The following OCLN variants were observed in gnomAD, a reference collection of about 807,000 sequenced individuals.
OCLN encodes the protein phosphatase 1, regulatory subunit 115.
OCLN carries 21 observed loss-of-function variants against 47.9 expected under a neutral mutation model. The ratio of observed to expected loss-of-function variants is 0.44; its 90% confidence interval spans 0.31 to 0.63. The LOEUF is 0.63. OCLN is among the 30% of genes least tolerant of loss of function. OCLN has a pLI of 0.08. For synonymous variants in OCLN, 117 were observed against 198.4 expected, an observed-to-expected ratio of 0.59 and a Z score of 3.45; for missense variants, 360 against 571.0, an observed-to-expected ratio of 0.63 and a Z score of 3.77.
At chr5:69,518,441 A>T (rs1009925621) in intron 4 of OCLN, among the ~76,000 whole-genome samples, 8 of 152,200 alleles carry the variant, frequency 5.3e-5, no homozygotes, top group Non-Finnish European at 8.8e-5. Context: ...AGCCTATTTA[A>T]AATAAATTAT....
intron 4 of OCLN, among the ~76,000 whole-genome samples, chr5:69,522,789 G>T (rs190768437): frequency 2.7e-5 from 4 of 150,776 alleles, no homozygotes; most frequent in African/African-American, 9.8e-5. Context: ...GTGCAATGGC[G>T]CAATCATAGC....
chr5:69,511,887 C>T (rs549955688), intron 3 of OCLN, among the ~76,000 whole-genome samples: 8 of 151,980 alleles, frequency 5.3e-5, no homozygotes, highest in African/African-American at 9.6e-5. Context: ...TACCTGGACA[C>T]GGTGGCGTGC....
intron 4 of OCLN, among the ~76,000 whole-genome samples, chr5:69,533,088 TACACAC>T (rs527907847): frequency 5.1e-4 from 64 of 124,722 alleles, no homozygotes; most frequent in Non-Finnish European, 7.7e-4. Flanking sequence ...TATATATATA[TACACAC>T]ACACACACAC....
At chr5:69,533,018 T>TGC (rs1769480171) in intron 4 of OCLN, among the ~76,000 whole-genome samples, 2 of 148,918 alleles carry the variant, frequency 1.3e-5, no homozygotes, top group Non-Finnish European at 3.0e-5. Context: ...TGTGTGTGTG[T>TGC]GTGTGTATAC....
At chr5:69,523,371 G>C (rs1488732417) in intron 4 of OCLN, among the ~76,000 whole-genome samples, 3 of 152,050 alleles carry the variant, frequency 2.0e-5, no homozygotes, top group Admixed American at 2.0e-4. Context: ...TTAGAGAATA[G>C]ACAAAATTGA....
At chr5:69,520,354 G>T (rs1285177043) in intron 4 of OCLN, among the ~76,000 whole-genome samples, 1 of 149,678 alleles carries the variant, frequency 6.7e-6, no homozygotes, top group Admixed American at 6.7e-5. Flanking sequence ...AGGCTGGAGC[G>T]CAGTGGCACT....
At chr5:69,550,521 T>C (rs1769838967) in intron 7 of OCLN, among the ~76,000 whole-genome samples, 1 of 150,224 alleles carries the variant, frequency 6.7e-6, no homozygotes. Flanking sequence ...AATTCCAGAA[T>C]GTGAAATTGC....
intron 4 of OCLN, among the ~76,000 whole-genome samples, chr5:69,533,419 G>C (rs1769502997): frequency 1.3e-5 from 2 of 152,254 alleles, no homozygotes; most frequent in Middle Eastern, 3.4e-3. Context: ...TTGTTCATCA[G>C]GAATTCTCAC....
chr5:69,501,821 C>T (rs1768466475), intron 1 of OCLN, among the ~76,000 whole-genome samples: 1 of 152,036 alleles, frequency 6.6e-6, no homozygotes, highest in Admixed American at 6.6e-5. Context: ...TATATATTTC[C>T]ATCTTTGAGG....
At chr5:69,519,106 C>G (rs1180266331) in intron 4 of OCLN, among the ~76,000 whole-genome samples, 1 of 152,100 alleles carries the variant, frequency 6.6e-6, no homozygotes, top group Non-Finnish European at 1.5e-5. Flanking sequence ...CCACTGCACT[C>G]CAGCCTGGGT....
intron 4 of OCLN, among the ~76,000 whole-genome samples, chr5:69,517,452 A>G (rs1455899887): frequency 4.6e-5 from 7 of 151,902 alleles, no homozygotes; most frequent in African/African-American, 1.7e-4. Context: ...CTAGGACTAT[A>G]GGTGCATACC....
chr5:69,549,627 A>AT (rs533577845), intron 7 of OCLN, among the ~76,000 whole-genome samples: 6 of 143,090 alleles, frequency 4.2e-5, no homozygotes, highest in Non-Finnish European at 6.2e-5. Flanking sequence ...AAGTTACTGG[A>AT]TTTTTTTTTC....
Position 69,493,032 on chromosome 5 carries a change from G to T in OCLN, c.-69+132G>T, listed in dbSNP as rs1350540598. On this transcript the variant is annotated intron_variant, in intron 1 of 8. Coordinates refer to ENST00000396442, the MANE Select transcript of OCLN (RefSeq NM_001205254.2). This position sits in a 1 kb window ranked among gnomAD's most constrained non-coding sequence, Gnocchi z 5.3. ...TGGTTTCGGTGGCAGTTTCGTCCCC[G>T]AGCTGGGACTCGTGGGAACCAGAGA... 6.6e-6 allele frequency: 1 copy of T among 152,506 alleles called. No individual in the cohort carries two copies. Among genetic ancestry groups the T allele is most frequent in the Admixed American group, 6.5e-5 (1 of 15,282 alleles). 9.4% of individuals were successfully genotyped at this position (152,506 alleles called of 1,614,324 possible).
At chr5:69,519,374 G>A (rs1769068937) in intron 4 of OCLN, among the ~76,000 whole-genome samples, 3 of 152,094 alleles carry the variant, frequency 2.0e-5, no homozygotes. Flanking sequence ...TATCCCTTTT[G>A]TATAATCTGT....
intron 4 of OCLN, among the ~76,000 whole-genome samples, chr5:69,516,225 C>T (rs995965183): frequency 6.6e-6 from 1 of 152,172 alleles, no homozygotes. Flanking sequence ...CTGAGTGAAC[C>T]AGACTCCGTC....
At chr5:69,498,217 G>A (rs1358787110) in intron 1 of OCLN, among the ~76,000 whole-genome samples, 1 of 152,108 alleles carries the variant, frequency 6.6e-6, no homozygotes, top group Non-Finnish European at 1.5e-5. Flanking sequence ...TTTATGGCTG[G>A]GCATGGTGGC....
At chr5:69,549,048 C>T (rs1283696319) in intron 7 of OCLN, among the ~76,000 whole-genome samples, 4 of 147,096 alleles carry the variant, frequency 2.7e-5, no homozygotes, top group African/African-American at 7.5e-5. Flanking sequence ...AGAACTTAAG[C>T]GGCCGGGCAC....
intron 7 of OCLN, among the ~76,000 whole-genome samples, chr5:69,549,165 C>CT (rs1377726373): frequency 3.3e-5 from 1 of 30,746 alleles, no homozygotes; most frequent in African/African-American, 1.4e-4. Flanking sequence ...CCCGTCTCTA[C>CT]TAAAAAAAAA....
chr5:69,505,222 A>G (rs1392024066), intron 2 of OCLN, among the ~76,000 whole-genome samples: 1 of 152,144 alleles, frequency 6.6e-6, no homozygotes, highest in African/African-American at 2.4e-5. Context: ...TGCACTCTAG[A>G]CTGGGTGACA....
Sources: gnomAD v4.1 joint callset for allele counts (sites outside exome capture counted in the v4.1 genomes callset) on GRCh38, gnomAD v4.1.1 for gene constraint, Gnocchi (gnomAD v3.1) non-coding constraint, MANE v1.5 for transcripts, NCBI Gene and HGNC (gene_info 2026-07-23, HGNC 2026-07-21) for gene names.